Variants in ATRNL1 observed in about 807,000 individuals in gnomAD.
ATRNL1 encodes the protein attractin like 1.
Under a neutral mutation model 182.7 loss-of-function variants are expected in ATRNL1, and 95 were observed. The observed-to-expected ratio is 0.52, with a 90% CI of 0.44 to 0.62. The LOEUF is 0.62. ATRNL1 is among the 20% of genes least tolerant of loss of function. The probability of loss-of-function intolerance (pLI) is 0.00; values close to 1 mark genes in which losing one functional copy is unlikely to be tolerated. For missense variants in ATRNL1, 1,471 were observed against 1,679.5 expected (o/e 0.88, Z 2.17); for synonymous variants, 576 against 568.3 (o/e 1.01, Z -0.19).
intron 1 of ATRNL1, among the ~76,000 whole-genome samples, chr10:115,117,691 A>G (rs961645739): frequency 3.9e-5 from 6 of 152,026 alleles, no homozygotes; most frequent in Admixed American, 3.9e-4. Flanking sequence ...CAATATATTG[A>G]TTTCCTTTCT....
intron 8 of ATRNL1, 47 bp downstream of exon 8, chr10:115,171,339 TTC>T: frequency 6.8e-7 from 1 of 1,464,300 alleles, no homozygotes; most frequent in African/African-American, 1.4e-5. Flanking sequence ...GGGAATGTTT[TTC>T]TCTTTAATAA....
At chr10:115,813,272 G>A (rs1555087568) in intron 27 of ATRNL1, among the ~76,000 whole-genome samples, 1 of 151,886 alleles carries the variant, frequency 6.6e-6, no homozygotes, top group African/African-American at 2.4e-5. Flanking sequence ...AAATGAGAGA[G>A]GTCCCTGACA....
chr10:115,410,264 T>C (rs2134335960), intron 20 of ATRNL1, among the ~76,000 whole-genome samples: 1 of 152,278 alleles, frequency 6.6e-6, no homozygotes, highest in South Asian at 2.1e-4. Flanking sequence ...TGTTTACTGC[T>C]ATTTTTTCAT....
At chr10:115,651,943 A>C (rs782123591) in intron 26 of ATRNL1, among the ~76,000 whole-genome samples, 1 of 152,092 alleles carries the variant, frequency 6.6e-6, no homozygotes. Context: ...TGAACTGTTT[A>C]GTTAACTATT....
intron 17 of ATRNL1, among the ~76,000 whole-genome samples, chr10:115,305,453 T>A (rs565126928): frequency 6.6e-6 from 1 of 152,214 alleles, no homozygotes; most frequent in South Asian, 2.1e-4. Flanking sequence ...TGGTAAGGAA[T>A]GGGGGTGTTG....
At chr10:115,796,822 T>A (rs1357155420) in intron 27 of ATRNL1, among the ~76,000 whole-genome samples, 1 of 152,218 alleles carries the variant, frequency 6.6e-6, no homozygotes, top group Non-Finnish European at 1.5e-5. Context: ...TTGCTAACAA[T>A]ATAAATTAAA....
intron 8 of ATRNL1, among the ~76,000 whole-genome samples, chr10:115,192,947 T>C (rs1848224635): frequency 1.3e-5 from 2 of 152,024 alleles, no homozygotes; most frequent in African/African-American, 2.4e-5. Context: ...ACTGGATATG[T>C]TTATCGGTTC....
intron 20 of ATRNL1, among the ~76,000 whole-genome samples, chr10:115,419,991 C>T (rs1276428311): frequency 6.6e-6 from 1 of 150,770 alleles, no homozygotes; most frequent in African/African-American, 2.4e-5. Flanking sequence ...GCACATGTAA[C>T]ATTGTTTAAG....
intron 20 of ATRNL1, among the ~76,000 whole-genome samples, chr10:115,414,559 A>G (rs1845296695): frequency 6.6e-6 from 1 of 151,974 alleles, no homozygotes; most frequent in Admixed American, 6.6e-5. Flanking sequence ...TAATAACCTG[A>G]AACTACTTCC....
chr10:115,640,485 G>T (rs1233665841), intron 26 of ATRNL1, among the ~76,000 whole-genome samples: 1 of 152,102 alleles, frequency 6.6e-6, no homozygotes, highest in Middle Eastern at 3.2e-3. Context: ...GGCATGAGAT[G>T]GTACCTCATT....
chr10:115,939,860 C>A (rs1318869963), intron 28 of ATRNL1, among the ~76,000 whole-genome samples: 2 of 152,104 alleles, frequency 1.3e-5, no homozygotes, highest in African/African-American at 4.8e-5. Context: ...AGGAAAAATT[C>A]TCAGGAAAGT....
chr10:115,422,894 AG>A (rs1336471979), intron 20 of ATRNL1, among the ~76,000 whole-genome samples: 5 of 152,188 alleles, frequency 3.3e-5, no homozygotes, highest in Non-Finnish European at 5.9e-5. Flanking sequence ...AGGAGGGTAA[AG>A]TTAGAAACAA....
At chr10:115,812,762 C>T (rs1257271892) in intron 27 of ATRNL1, among the ~76,000 whole-genome samples, 1 of 152,072 alleles carries the variant, frequency 6.6e-6, no homozygotes, top group African/African-American at 2.4e-5. Context: ...GGGGCATGAA[C>T]CACCGTGCCT....
intron 28 of ATRNL1, among the ~76,000 whole-genome samples, chr10:115,851,678 A>G (rs1371863842): frequency 6.6e-6 from 1 of 152,124 alleles, no homozygotes; most frequent in African/African-American, 2.4e-5. Context: ...GCATTCCTAG[A>G]GCTGGGCTAA....
At chr10:115,415,007 G>C (rs1358566861) in intron 20 of ATRNL1, among the ~76,000 whole-genome samples, 2 of 151,936 alleles carry the variant, frequency 1.3e-5, no homozygotes, top group Non-Finnish European at 2.9e-5. Context: ...GAATAAACTC[G>C]TATGTATGTA....
intron 5 of ATRNL1, among the ~76,000 whole-genome samples, chr10:115,154,685 C>G (rs1378643955): frequency 6.6e-6 from 1 of 152,072 alleles, no homozygotes; most frequent in Non-Finnish European, 1.5e-5. Flanking sequence ...TTGAAATGTT[C>G]TGTAAATGTC....
intron 26 of ATRNL1, among the ~76,000 whole-genome samples, chr10:115,667,517 C>T (rs1168910616): frequency 2.0e-5 from 3 of 152,022 alleles, no homozygotes; most frequent in Admixed American, 6.6e-5. Context: ...GATCTTTTCT[C>T]TATATATTAC....
chr10:115,368,716 A>ATT (rs557325461), intron 19 of ATRNL1, among the ~76,000 whole-genome samples: 6,908 of 138,070 alleles, frequency 0.05, 538 homozygotes, highest in African/African-American at 0.17. Context: ...ATTCGATTCT[A>ATT]TTTTTTTTTT....
chr10:115,844,850 C>T (rs1362612119), intron 27 of ATRNL1, among the ~76,000 whole-genome samples: 1 of 152,028 alleles, frequency 6.6e-6, no homozygotes, highest in Non-Finnish European at 1.5e-5. Context: ...ATAAATTGCA[C>T]AGCTCAGTGA....
Sources: allele counts gnomAD v4.1 joint callset (sites outside exome capture counted in the v4.1 genomes callset), GRCh38; gene constraint gnomAD v4.1.1; transcripts MANE v1.5; gene names NCBI Gene and HGNC (gene_info 2026-07-23, HGNC 2026-07-21).